CDKL4: variants seen among roughly 807,000 people sequenced by gnomAD.
CDKL4 encodes the protein cyclin dependent kinase like 4.
Under a neutral mutation model 42.0 loss-of-function variants are expected in CDKL4, and 44 were observed. The observed-to-expected ratio is 1.05, with a 90% CI of 0.82 to 1.35. CDKL4 has a LOEUF of 1.35. CDKL4 is among the 40% of genes most tolerant of loss of function. CDKL4 has a pLI of 0.00. For missense variants in CDKL4, 393 were observed against 369.9 expected (o/e 1.06, Z -0.51); for synonymous variants, 120 against 121.6 (o/e 0.99, Z 0.09).
In CDKL4 at chr2:39,216,037, T is replaced by C. The variant is rs138178788; in HGVS notation, c.291-2565A>G. ...AGGCAGGAAGAATAGTATAGCCATGTTGAGCACTGTGAGACAGGTTGCTTG... is the reference window on the plus strand; with the variant it reads ...AGGCAGGAAGAATAGTATAGCCATGCTGAGCACTGTGAGACAGGTTGCTTG... On this transcript the variant is annotated intron_variant, in intron 3 of 9. Coordinates refer to ENST00000451199, the Ensembl canonical transcript of CDKL4. Among the ~76,000 whole-genome samples, 731 of 152,334 alleles carry C rather than the reference T, an allele frequency of 4.8e-3. 4 individuals carry two copies. Among genetic ancestry groups the C allele is most frequent in the African/African-American group, 0.017 (697 of 41,572 alleles).
At chr2:39,233,252 A>G (rs1436961548) in intron 1 of CDKL4, among the ~76,000 whole-genome samples, 5 of 152,066 alleles carry the variant, frequency 3.3e-5, no homozygotes, top group African/African-American at 1.2e-4. Flanking sequence ...AAGAGAAAAC[A>G]CATCACAAGT....
intron 7 of CDKL4, among the ~76,000 whole-genome samples, chr2:39,187,416 C>T (rs565955708): frequency 5.9e-5 from 9 of 151,910 alleles, no homozygotes; most frequent in Admixed American, 2.6e-4. Flanking sequence ...CATGGTGGCT[C>T]ATATGAGTAA....
chr2:39,187,475 G>A (rs1675892684), intron 7 of CDKL4, 152 bp downstream of exon 7: 4 of 565,348 alleles, frequency 7.1e-6, no homozygotes, highest in East Asian at 6.4e-5. Flanking sequence ...AGTCTCGGAG[G>A]TTGAGGCTGC....
At chr2:39,195,629 C>T (rs1676464738) in intron 5 of CDKL4, among the ~76,000 whole-genome samples, 1 of 150,278 alleles carries the variant, frequency 6.7e-6, no homozygotes, top group Non-Finnish European at 1.5e-5. Context: ...TTATTTTTTA[C>T]ATTTTTAATT....
chr2:39,199,855 T>G (rs958007240), intron 5 of CDKL4, among the ~76,000 whole-genome samples: 1 of 152,104 alleles, frequency 6.6e-6, no homozygotes, highest in Non-Finnish European at 1.5e-5. Flanking sequence ...ATAAAAACCA[T>G]TGATGACAAA....
chr2:39,209,940 A>G (rs189500315), intron 4 of CDKL4, among the ~76,000 whole-genome samples: 3 of 152,322 alleles, frequency 2.0e-5, no homozygotes, highest in Admixed American at 6.5e-5. Context: ...AAGGCTTACC[A>G]TAAGAAAATG....
At chr2:39,226,163 CTT>C (rs1678701888) in intron 2 of CDKL4, among the ~76,000 whole-genome samples, 1 of 151,612 alleles carries the variant, frequency 6.6e-6, no homozygotes, top group African/African-American at 2.4e-5. Flanking sequence ...ACAAAAAACA[CTT>C]TATGTATTTT....
intron 3 of CDKL4, among the ~76,000 whole-genome samples, chr2:39,217,701 ATTATTTAT>A (rs145033516): frequency 0.016 from 2,340 of 147,802 alleles, 29 homozygotes; most frequent in South Asian, 0.038. Flanking sequence ...GGCTTATTTT[ATTATTTAT>A]TTATTTATTT....
At chr2:39,206,707 A>G (rs1040346311) in intron 4 of CDKL4, among the ~76,000 whole-genome samples, 4 of 152,216 alleles carry the variant, frequency 2.6e-5, no homozygotes, top group African/African-American at 9.7e-5. Context: ...TTTCAATTCA[A>G]AGCATAAATT....
intron 3 of CDKL4, among the ~76,000 whole-genome samples, chr2:39,218,612 G>C (rs1573002791): frequency 6.6e-6 from 1 of 152,314 alleles, no homozygotes; most frequent in East Asian, 1.9e-4. Flanking sequence ...ACAAAGGTGA[G>C]GGCAGGCAGG....
chr2:39,240,677 T>TAAAAAAAAAAAAA (rs768356807), intron 1 of CDKL4, among the ~76,000 whole-genome samples: 2 of 87,922 alleles, frequency 2.3e-5, no homozygotes. Context: ...AGATGAACAT[T>TAAAAAAAAAAAAA]AAAAAAAAAA....
chr2:39,205,266 G>C (rs994744520), intron 4 of CDKL4, among the ~76,000 whole-genome samples: 1 of 152,136 alleles, frequency 6.6e-6, no homozygotes, highest in Non-Finnish European at 1.5e-5. Context: ...TATTTAAACC[G>C]TAAGAGGTAA....
intron 5 of CDKL4, among the ~76,000 whole-genome samples, chr2:39,199,107 A>C (rs1393813757): frequency 1.3e-5 from 2 of 152,168 alleles, no homozygotes; most frequent in Non-Finnish European, 2.9e-5. Flanking sequence ...TTAACCAATA[A>C]AAGAAGAGAG....
chr2:39,243,592 G>C (rs76083320), intron 1 of CDKL4, among the ~76,000 whole-genome samples: 2,107 of 152,326 alleles, frequency 0.014, 57 homozygotes, highest in African/African-American at 0.048. Flanking sequence ...CTCGGCCATA[G>C]GTAGGCCTCC....
chr2:39,174,211 C>T (rs928681798), downstream of CDKL4, among the ~76,000 whole-genome samples: 3 of 151,968 alleles, frequency 2.0e-5, no homozygotes, highest in African/African-American at 7.3e-5. Context: ...TAGAGACCAG[C>T]CTGGGCAACA....
intron 1 of CDKL4, among the ~76,000 whole-genome samples, chr2:39,230,595 C>T (rs1356363043): frequency 3.9e-5 from 6 of 151,970 alleles, no homozygotes; most frequent in African/African-American, 1.5e-4. Context: ...TGACTAAGGC[C>T]AACATATTTA....
chr2:39,208,231 T>G (rs1677331205), intron 4 of CDKL4, among the ~76,000 whole-genome samples: 1 of 152,192 alleles, frequency 6.6e-6, no homozygotes, highest in Non-Finnish European at 1.5e-5. Context: ...AAAGCCACAC[T>G]CAATGCAAAC....
intron 5 of CDKL4, among the ~76,000 whole-genome samples, chr2:39,200,071 T>A (rs1014416422): frequency 6.6e-6 from 1 of 152,054 alleles, no homozygotes; most frequent in African/African-American, 2.4e-5. Flanking sequence ...GATGACATGA[T>A]CATATATCTA....
chr2:39,206,067 T>C (rs1677167161), intron 4 of CDKL4, among the ~76,000 whole-genome samples: 1 of 152,034 alleles, frequency 6.6e-6, no homozygotes, highest in South Asian at 2.1e-4. Flanking sequence ...TTTTGTTTTT[T>C]TTTTGAGACA....
Sources: gnomAD v4.1 joint callset for allele counts (sites outside exome capture counted in the v4.1 genomes callset) on GRCh38, gnomAD v4.1.1 for gene constraint, MANE v1.5 for transcripts, NCBI Gene and HGNC (gene_info 2026-07-23, HGNC 2026-07-21) for gene names.